Variants in NELL2 observed in about 807,000 individuals in gnomAD.
The protein encoded by NELL2 is neural EGFL like 2, also known as protein kinase C-binding protein NELL2.
In NELL2, 41 loss-of-function variants were observed where a neutral mutation model predicts 109.6. The observed-to-expected ratio is 0.37, with a 90% CI of 0.29 to 0.49. The LOEUF is 0.49. Ranked by LOEUF, NELL2 falls within the 20% of genes least tolerant of loss-of-function variation. NELL2 has a pLI of 0.98. For missense variants in NELL2, 900 were observed against 1,008.3 expected (o/e 0.89, Z 1.45); for synonymous variants, 355 against 344.7 (o/e 1.03, Z -0.33).
At position 44,572,043 on chromosome 12, in the gene NELL2, TTCTC is replaced by T. The variant is rs568407320; in HGVS notation, c.1663+35122_1663+35125del. ...AAGAAAAAAAGGACTCTTTCTTTCTTTCTCTCTCTCTCTCCTTTGAAAGAAATTC... is the reference window on the plus strand; with the variant it reads ...AAGAAAAAAAGGACTCTTTCTTTCTTTCTCTCTCTCCTTTGAAAGAAATTC... On this transcript the variant is annotated intron_variant, in intron 15 of 19. Transcript: ENST00000429094. Among the ~76,000 whole-genome samples, 17 of 151,968 alleles carry T rather than the reference TTCTC, an allele frequency of 1.1e-4. No homozygotes were observed. The East Asian group carries it at 3.1e-3, about 28-fold the overall frequency.
intron 13 of NELL2, 187 bp downstream of exon 13, chr12:44,665,297 C>T: frequency 7.3e-6 from 3 of 412,966 alleles, no homozygotes; most frequent in Non-Finnish European, 8.5e-6. Flanking sequence ...TATATTTATC[C>T]AGAGCAAGCA....
intron 15 of NELL2, among the ~76,000 whole-genome samples, chr12:44,556,103 C>T (rs1943243856): frequency 6.6e-6 from 1 of 152,188 alleles, no homozygotes. Context: ...GGGGTACAGT[C>T]TCTTTAATTT....
intron 12 of NELL2, among the ~76,000 whole-genome samples, chr12:44,671,664 G>C (rs1048761622): frequency 9.9e-5 from 15 of 152,102 alleles, no homozygotes; most frequent in African/African-American, 3.4e-4. Context: ...TAAAAACTTA[G>C]AGGAAATGGA....
At chr12:44,718,178 C>A (rs1938588420) in intron 9 of NELL2, among the ~76,000 whole-genome samples, 1 of 152,124 alleles carries the variant, frequency 6.6e-6, no homozygotes, top group South Asian at 2.1e-4. Flanking sequence ...CTGGGAAAAT[C>A]AAGTGTGTAA....
intron 9 of NELL2, among the ~76,000 whole-genome samples, chr12:44,759,034 T>C (rs1456050470): frequency 1.3e-5 from 2 of 152,142 alleles, no homozygotes; most frequent in African/African-American, 4.8e-5. Flanking sequence ...CCTGCCCCAA[T>C]GCTGAAACAA....
intron 16 of NELL2, among the ~76,000 whole-genome samples, chr12:44,532,146 GAATAGCCCTGAGT>G (rs983004644): frequency 3.3e-5 from 5 of 152,020 alleles, no homozygotes; most frequent in African/African-American, 1.2e-4. Context: ...GTTATGTTAG[GAATAGCCCTGAGT>G]AGCATGCATT....
intron 14 of NELL2, among the ~76,000 whole-genome samples, chr12:44,609,816 C>T (rs1057027625): frequency 1.3e-5 from 2 of 151,990 alleles, no homozygotes; most frequent in Non-Finnish European, 2.9e-5. Flanking sequence ...TTGTTCTTTC[C>T]TACCTCACAC....
chr12:44,821,997 T>C (rs1256179339), intron 2 of NELL2, among the ~76,000 whole-genome samples: 1 of 151,864 alleles, frequency 6.6e-6, no homozygotes, highest in East Asian at 1.9e-4. Context: ...AACTTCTGGC[T>C]GCAAGTGATC....
chr12:44,572,464 T>A (rs1416559622), intron 15 of NELL2, among the ~76,000 whole-genome samples: 2 of 152,134 alleles, frequency 1.3e-5, no homozygotes, highest in African/African-American at 4.8e-5. Context: ...TTTTTGATAA[T>A]AATAATTTTG....
At chr12:44,607,289 T>A in intron 14 of NELL2, 25 bp from the exon 15 acceptor site, 1 of 1,596,588 alleles carries the variant, frequency 6.3e-7, no homozygotes, top group South Asian at 1.1e-5. Flanking sequence ...ATACATGATT[T>A]TAGCACTTTA....
chr12:44,592,951 G>T (rs1382156923), intron 15 of NELL2, among the ~76,000 whole-genome samples: 1 of 152,036 alleles, frequency 6.6e-6, no homozygotes. Context: ...GTTCCTCTTT[G>T]GTCCTCCTCC....
chr12:44,615,761 C>G (rs1415488655), intron 13 of NELL2, among the ~76,000 whole-genome samples: 11 of 152,040 alleles, frequency 7.2e-5, no homozygotes, highest in Non-Finnish European at 1.5e-4. Flanking sequence ...TTTTATACCT[C>G]TTTAAAAACA....
At chr12:44,760,870 T>C (rs1221404228) in intron 9 of NELL2, among the ~76,000 whole-genome samples, 1 of 152,070 alleles carries the variant, frequency 6.6e-6, no homozygotes, top group Non-Finnish European at 1.5e-5. Flanking sequence ...GGCAGAACTA[T>C]TAGGAAAAGA....
chr12:44,782,269 G>C (rs1381406916), intron 3 of NELL2, among the ~76,000 whole-genome samples: 1 of 151,488 alleles, frequency 6.6e-6, no homozygotes, highest in Admixed American at 6.6e-5. Context: ...GCTATACAAA[G>C]AGACACACTC....
chr12:44,735,033 T>C (rs924631934), intron 9 of NELL2, among the ~76,000 whole-genome samples: 2 of 152,126 alleles, frequency 1.3e-5, no homozygotes, highest in African/African-American at 4.8e-5. Flanking sequence ...GTCTATTCAT[T>C]ATTCCTTTGA....
At chr12:44,859,887 TC>T (rs1944788492) in intron 2 of NELL2, among the ~76,000 whole-genome samples, 1 of 152,182 alleles carries the variant, frequency 6.6e-6, no homozygotes, top group Non-Finnish European at 1.5e-5. Flanking sequence ...CTTGTACTTT[TC>T]AGAGGGGTCT....
At chr12:44,545,464 A>T (rs1942753701) in intron 15 of NELL2, among the ~76,000 whole-genome samples, 1 of 152,102 alleles carries the variant, frequency 6.6e-6, no homozygotes, top group African/African-American at 2.4e-5. Flanking sequence ...AAATATATTC[A>T]AGAGTTCATA....
At chr12:44,567,172 C>A (rs772075645) in intron 15 of NELL2, among the ~76,000 whole-genome samples, 4 of 152,146 alleles carry the variant, frequency 2.6e-5, no homozygotes, top group African/African-American at 9.7e-5. Flanking sequence ...AAACTCTATA[C>A]GTTTTCATGA....
At chr12:44,625,041 C>G (rs527766798) in intron 13 of NELL2, among the ~76,000 whole-genome samples, 2 of 123,592 alleles carry the variant, frequency 1.6e-5, no homozygotes, top group East Asian at 5.9e-4. Context: ...TATTTCTGAA[C>G]AAGTGAATGT....
Sources: allele counts gnomAD v4.1 joint callset (sites outside exome capture counted in the v4.1 genomes callset), GRCh38; gene constraint gnomAD v4.1.1; transcripts MANE v1.5; gene names NCBI Gene and HGNC (gene_info 2026-07-23, HGNC 2026-07-21).